WDPCP: variants seen among roughly 807,000 people sequenced by gnomAD.
The protein encoded by WDPCP is WD repeat-containing and planar cell polarity effector protein fritz homolog.
In WDPCP, 71 loss-of-function variants were observed where a neutral mutation model predicts 93.1. The ratio of observed to expected loss-of-function variants is 0.76; its 90% CI spans 0.63 to 0.93. WDPCP has a LOEUF of 0.93. Among genes scored for constraint, WDPCP ranks in the 40% least tolerant of loss-of-function variants. The pLI is 0.00. For synonymous variants in WDPCP, 315 were observed against 315.0 expected (o/e 1.00, Z 0.00); for missense variants, 844 against 887.4 (o/e 0.95, Z 0.62).
At chr2:63,574,515 C>T (rs1002208633) in intron 1 of WDPCP, among the ~76,000 whole-genome samples, 1 of 152,154 alleles carries the variant, frequency 6.6e-6, no homozygotes, top group Non-Finnish European at 1.5e-5. Flanking sequence ...ATACCAAGAA[C>T]ATCATTTTAT....
chr2:63,605,354 C>G, intron 3 of WDPCP: 1 of 1,614,210 alleles, frequency 6.2e-7, no homozygotes, highest in Non-Finnish European at 8.5e-7. Flanking sequence ...CAAAAGCCAT[C>G]TGTGACCACG....
chr2:63,481,337 T>A (rs2105887727), intron 6 of WDPCP, among the ~76,000 whole-genome samples: 1 of 152,034 alleles, frequency 6.6e-6, no homozygotes, highest in East Asian at 1.9e-4. Flanking sequence ...GTGTGGAGAT[T>A]CCTTAAAGAA....
intron 3 of WDPCP, among the ~76,000 whole-genome samples, chr2:63,646,571 T>G (rs902112478): frequency 2.0e-5 from 3 of 152,156 alleles, no homozygotes; most frequent in African/African-American, 7.2e-5. Flanking sequence ...TCCATTAGCA[T>G]TTCTTGTAGG....
intron 6 of WDPCP, among the ~76,000 whole-genome samples, chr2:63,462,565 T>A (rs1296546223): frequency 6.6e-6 from 1 of 151,786 alleles, no homozygotes; most frequent in Non-Finnish European, 1.5e-5. Flanking sequence ...AGCAGACTGG[T>A]AGGGGCACAC....
intron 3 of WDPCP, among the ~76,000 whole-genome samples, chr2:63,648,700 G>A (rs1710078896): frequency 6.6e-6 from 1 of 152,136 alleles, no homozygotes; most frequent in African/African-American, 2.4e-5. Flanking sequence ...GCACGAATAA[G>A]TAGTTAATCT....
intron 6 of WDPCP, among the ~76,000 whole-genome samples, chr2:63,447,278 G>A (rs1697927210): frequency 6.6e-6 from 1 of 152,056 alleles, no homozygotes; most frequent in African/African-American, 2.4e-5. Context: ...GCATCTCACA[G>A]AGATAAAATT....
intron 1 of WDPCP, among the ~76,000 whole-genome samples, chr2:63,521,367 A>G (rs2106161718): frequency 6.6e-6 from 1 of 152,358 alleles, no homozygotes; most frequent in Non-Finnish European, 1.5e-5. Flanking sequence ...AGAAAAATCT[A>G]CCAAACAAAT....
chr2:63,680,751 G>A (rs1230437326), intron 2 of WDPCP, among the ~76,000 whole-genome samples: 1 of 152,102 alleles, frequency 6.6e-6, no homozygotes, highest in Non-Finnish European at 1.5e-5. Context: ...CCAACCCCAG[G>A]CAGCAAAGCT....
chr2:63,404,036 T>G lies in WDPCP; in HGVS notation c.1435+12A>C, dbSNP rs752729656. On this transcript the variant is annotated intron_variant, in intron 10 of 17. Coordinates refer to ENST00000272321, the MANE Select transcript of WDPCP (RefSeq NM_015910.7). ...ATTTTAATTTACTTACTCATCACTTTCCTTGACTTACCTAGTTTAAACAAC... is the reference window on the plus strand; with the variant it reads ...ATTTTAATTTACTTACTCATCACTTGCCTTGACTTACCTAGTTTAAACAAC... The G allele has an allele frequency of 1.2e-6, 2 of 1,614,042 alleles. No homozygotes were observed. Among genetic ancestry groups the G allele is most frequent in the East Asian group, 2.2e-5 (1 of 44,880 alleles).
At chr2:63,620,019 G>T (rs1709715385) in intron 3 of WDPCP, among the ~76,000 whole-genome samples, 1 of 152,200 alleles carries the variant, frequency 6.6e-6, no homozygotes, top group Non-Finnish European at 1.5e-5. Context: ...CATAGGCTTT[G>T]CAACCCATAG....
intron 14 of WDPCP, among the ~76,000 whole-genome samples, chr2:63,255,847 T>C (rs947965580): frequency 2.0e-5 from 3 of 150,136 alleles, no homozygotes; most frequent in African/African-American, 7.3e-5. Context: ...TTATCACTTA[T>C]TGCTAGATAT....
At chr2:63,459,994 A>G (rs116079171) in intron 6 of WDPCP, among the ~76,000 whole-genome samples, 2,511 of 152,288 alleles carry the variant, frequency 0.016, 82 homozygotes, top group African/African-American at 0.057. Context: ...CTATCCAAAG[A>G]AAAAGAAATA....
At chr2:63,662,092 C>T (rs1426785310) in intron 2 of WDPCP, among the ~76,000 whole-genome samples, 2 of 152,076 alleles carry the variant, frequency 1.3e-5, no homozygotes, top group Non-Finnish European at 2.9e-5. Context: ...ATGTTAAATA[C>T]AGGGAAAATG....
intron 6 of WDPCP, chr2:63,440,294 T>C (rs886391694): frequency 1.9e-5 from 3 of 158,020 alleles, no homozygotes; most frequent in Non-Finnish European, 4.2e-5. Flanking sequence ...ATAGAAGAGA[T>C]GCCACTATTA....
intron 15 of WDPCP, among the ~76,000 whole-genome samples, chr2:63,155,246 T>G (rs995701734): frequency 7.2e-5 from 11 of 152,344 alleles, no homozygotes; most frequent in African/African-American, 2.4e-4. Context: ...TCTAAAAGTT[T>G]GATAGTTTTA....
At chr2:63,424,482 G>A (rs888821505) in intron 9 of WDPCP, among the ~76,000 whole-genome samples, 3 of 152,160 alleles carry the variant, frequency 2.0e-5, no homozygotes, top group Non-Finnish European at 2.9e-5. Flanking sequence ...TCCTGCAAGA[G>A]TGTGTACATA....
intron 1 of WDPCP, among the ~76,000 whole-genome samples, chr2:63,587,716 T>C (rs1708962136): frequency 6.6e-6 from 1 of 152,260 alleles, no homozygotes; most frequent in African/African-American, 2.4e-5. Context: ...ACCTCTTAAG[T>C]TGTTTTACCA....
intron 2 of WDPCP, among the ~76,000 whole-genome samples, chr2:63,769,923 G>T (rs1313247883): frequency 6.6e-6 from 1 of 151,754 alleles, no homozygotes; most frequent in Non-Finnish European, 1.5e-5. Flanking sequence ...ATTTCCTTCA[G>T]TCATTCCTTG....
chr2:63,647,956 T>C (rs1487006048), intron 3 of WDPCP, among the ~76,000 whole-genome samples: 1 of 152,218 alleles, frequency 6.6e-6, no homozygotes, highest in Non-Finnish European at 1.5e-5. Flanking sequence ...CTCTGCATAC[T>C]ACCATTTGAG....
Sources: allele counts gnomAD v4.1 joint callset (sites outside exome capture counted in the v4.1 genomes callset), GRCh38; gene constraint gnomAD v4.1.1; transcripts MANE v1.5; gene names NCBI Gene and HGNC (gene_info 2026-07-23, HGNC 2026-07-21).